Variants in DMD observed in about 807,000 individuals in gnomAD.
The protein encoded by DMD is dystrophin, also known as mutant dystrophin.
In DMD, 63 loss-of-function variants were observed where a neutral mutation model predicts 330.1. The ratio of observed to expected loss-of-function variants is 0.19; its 90% CI spans 0.16 to 0.24. The LOEUF is 0.24. DMD is among the 10% of genes least tolerant of loss of function. The pLI, the probability that DMD is intolerant of heterozygous loss-of-function variation, is 1.00. For missense variants in DMD, 3,344 were observed against 2,684.1 expected, an observed-to-expected ratio of 1.25 and a Z score of -5.43; for synonymous variants, 1,223 against 959.8, an observed-to-expected ratio of 1.27 and a Z score of -5.07.
intron 53 of DMD, among the ~76,000 whole-genome samples, chrX:31,664,692 T>C (rs1261394776): frequency 5.7e-5 from 6 of 104,534 alleles, no homozygotes; most frequent in African/African-American, 2.1e-4. Flanking sequence ...TTAACTTTTA[T>C]CCAAATCTTC....
chrX:31,209,451 A>G (rs1254352349), intron 65 of DMD, 47 bp downstream of exon 65: 4 of 1,153,378 alleles, frequency 3.5e-6, no homozygotes. Flanking sequence ...TCTGTACGCT[A>G]AGCCTCCTGT....
chrX:32,756,091 C>T (rs750949773), intron 7 of DMD: 5 of 112,086 alleles, frequency 4.5e-5, no homozygotes, highest in Admixed American at 1.9e-4. Flanking sequence ...CAGCATTAAG[C>T]GCATAAATTA....
intron 7 of DMD, among the ~76,000 whole-genome samples, chrX:32,769,054 CAAAA>C (rs912614108): frequency 9.0e-6 from 1 of 110,706 alleles, no homozygotes; most frequent in Admixed American, 9.6e-5. Context: ...TATGAAAAAA[CAAAA>C]AAACAAAAAA....
At chrX:33,028,052 G>C (rs2094035439) in intron 1 of DMD, among the ~76,000 whole-genome samples, 1 of 112,110 alleles carries the variant, frequency 8.9e-6, no homozygotes, top group Non-Finnish European at 1.9e-5. Flanking sequence ...TAGGGAAATA[G>C]CAATGTCAGG....
rs754777826 is a variant in DMD, at chrX:32,694,853, A to G, written c.960+3017T>C. 2.7e-5 allele frequency among the ~76,000 whole-genome samples: 3 copies of G among 110,946 alleles called. No homozygotes were observed. In the South Asian group the frequency reaches 1.2e-3, roughly 43 times the overall value. On this transcript the variant is annotated intron_variant, in intron 9 of 78. Transcript: ENST00000357033. ...GTATTTTTAGTAGAGATGGGGTTTT[A>G]CCATGTTGGTTCGGTTGGTCTCGAA...
intron 2 of DMD, among the ~76,000 whole-genome samples, chrX:32,947,756 T>C (rs751588400): frequency 5.4e-5 from 6 of 111,342 alleles, no homozygotes; most frequent in Non-Finnish European, 9.4e-5. Flanking sequence ...ATTATAACTC[T>C]AACAATGAAA....
At chrX:31,527,485 T>C (rs2073336377) in intron 55 of DMD, among the ~76,000 whole-genome samples, 1 of 112,371 alleles carries the variant, frequency 8.9e-6, no homozygotes, top group Non-Finnish European at 1.9e-5. Context: ...GTTAAGTATG[T>C]TGCATGCATT....
intron 2 of DMD, among the ~76,000 whole-genome samples, chrX:33,012,774 T>TAG (rs2093725163): frequency 9.0e-6 from 1 of 111,075 alleles, no homozygotes; most frequent in Admixed American, 9.7e-5. Context: ...TAAAGTAGGG[T>TAG]AGGCTAAGCT....
intron 2 of DMD, among the ~76,000 whole-genome samples, chrX:32,919,970 G>C (rs1391844622): frequency 9.0e-6 from 1 of 111,487 alleles, no homozygotes; most frequent in African/African-American, 3.3e-5. Flanking sequence ...GTGATCAATA[G>C]CCGAAAGATT....
At chrX:32,597,015 G>A (rs190664364) in intron 12 of DMD, among the ~76,000 whole-genome samples, 2 of 111,690 alleles carry the variant, frequency 1.8e-5, no homozygotes, top group East Asian at 5.6e-4. Context: ...TACCTCACCA[G>A]TCTAATTGTA....
At chrX:31,670,535 C>T (rs1403389133) in intron 53 of DMD, among the ~76,000 whole-genome samples, 1 of 112,139 alleles carries the variant, frequency 8.9e-6, no homozygotes, top group African/African-American at 3.2e-5. Flanking sequence ...CTCATTGTCT[C>T]AGACTTCTGG....
In DMD at chrX:31,182,917, G is replaced by A. The variant is rs2041316568; in HGVS notation, c.9808-13C>T. On this transcript the variant is annotated splice_polypyrimidine_tract_variant and intron_variant, in intron 67 of 78. Transcript: ENST00000357033. Reference sequence around the variant, plus strand: ...GCTTATTATTAGCCTGCAAAGACAGGAGGGAGAGAGAAGGAGGGCAAAAGG... The same window carrying A: ...GCTTATTATTAGCCTGCAAAGACAGAAGGGAGAGAGAAGGAGGGCAAAAGG... 4 of 1,201,300 alleles carry A rather than the reference G, an allele frequency of 3.3e-6. No individual in the cohort carries two copies. In the South Asian group the frequency reaches 7.1e-5, roughly 21 times the overall value.
At position 31,453,781 on chromosome X, in the gene DMD, A is replaced by AAC. The variant is rs1361313340; in HGVS notation, c.8938-9155_8938-9154insGT. Among the ~76,000 whole-genome samples the AAC allele has an allele frequency of 6.7e-5, 7 of 104,584 alleles. No individual in the cohort carries two copies. The East Asian group carries it at 1.2e-3, about 18-fold the overall frequency. 90.8% of individuals were successfully genotyped at this position (104,584 alleles called of 115,157 possible). On this transcript the variant is annotated intron_variant, in intron 59 of 78. Transcript: ENST00000357033. ...AAAAACAAGCAAAAAAAAAAAAAAA[A>AAC]AAAAAAAAACCACAAAATACTTCAA...
intron 7 of DMD, among the ~76,000 whole-genome samples, chrX:32,735,939 T>C (rs1486434709): frequency 2.7e-5 from 3 of 111,546 alleles, no homozygotes; most frequent in African/African-American, 9.8e-5. Flanking sequence ...ACTAAAGAGC[T>C]TCTGCACAAC....
At chrX:32,738,838 A>T (rs752456948) in intron 7 of DMD, among the ~76,000 whole-genome samples, 7 of 111,855 alleles carry the variant, frequency 6.3e-5, no homozygotes, top group Non-Finnish European at 9.4e-5. Flanking sequence ...ATAGAAATGA[A>T]TCTTTCAAAA....
At chrX:32,114,416 C>T (rs963839530) in intron 44 of DMD, among the ~76,000 whole-genome samples, 3 of 112,033 alleles carry the variant, frequency 2.7e-5, no homozygotes, top group African/African-American at 9.7e-5. Flanking sequence ...GTTCCTCCAG[C>T]TAGCTTCTCT....
chrX:31,517,159 C>T, intron 55 of DMD, among the ~76,000 whole-genome samples: 1 of 111,644 alleles, frequency 9.0e-6, no homozygotes, highest in Non-Finnish European at 1.9e-5. Flanking sequence ...GCATTAAGTA[C>T]CTATTGTATG....
intron 1 of DMD, among the ~76,000 whole-genome samples, chrX:33,319,687 G>C (rs1291524481): frequency 1.8e-5 from 2 of 112,027 alleles, no homozygotes; most frequent in African/African-American, 6.5e-5. Context: ...CTAGCAGAAT[G>C]CAAATATAAG....
chrX:31,412,586 C>A (rs778379900), intron 60 of DMD, among the ~76,000 whole-genome samples: 1 of 111,786 alleles, frequency 8.9e-6, no homozygotes, highest in South Asian at 3.8e-4. Flanking sequence ...GGAGCTGAAG[C>A]AGACATATTG....
Sources: gnomAD v4.1 joint callset for allele counts (sites outside exome capture counted in the v4.1 genomes callset) on GRCh38, gnomAD v4.1.1 for gene constraint, MANE v1.5 for transcripts, NCBI Gene and HGNC (gene_info 2026-07-23, HGNC 2026-07-21) for gene names.